Variants in KCNK10 observed in about 807,000 individuals in gnomAD.
The protein encoded by KCNK10 is potassium two pore domain channel subfamily K member 10.
A neutral mutation model predicts 47.7 loss-of-function variants in KCNK10; 25 were observed. The observed-to-expected ratio is 0.52, with a 90% CI of 0.38 to 0.73. The LOEUF is 0.73. Ranked by LOEUF, KCNK10 falls within the 30% of genes least tolerant of loss-of-function variation. The pLI, the probability that KCNK10 is intolerant of heterozygous loss-of-function variation, is 0.00. For missense variants in KCNK10, 563 were observed against 714.5 expected (o/e 0.79, Z 2.42); for synonymous variants, 303 against 285.6 (o/e 1.06, Z -0.61).
chr14:88,309,032 C>T (rs1174204648), intron 1 of KCNK10, among the ~76,000 whole-genome samples: 1 of 152,178 alleles, frequency 6.6e-6, no homozygotes, highest in East Asian at 1.9e-4. Context: ...TAAGCCTTGG[C>T]TAAACGGTTA....
intron 2 of KCNK10, among the ~76,000 whole-genome samples, chr14:88,258,364 C>A (rs949110778): frequency 6.6e-5 from 10 of 150,904 alleles, no homozygotes; most frequent in Non-Finnish European, 1.2e-4. Context: ...CATCTCAGCT[C>A]ACTGTAACCT....
At chr14:88,211,586 G>C (rs888724943) in intron 4 of KCNK10, among the ~76,000 whole-genome samples, 36 of 152,226 alleles carry the variant, frequency 2.4e-4, no homozygotes, top group African/African-American at 8.2e-4. Context: ...ACCAACTCCT[G>C]GGAGTAACTT....
At chr14:88,230,902 T>C (rs930468423) in intron 3 of KCNK10, among the ~76,000 whole-genome samples, 2 of 152,212 alleles carry the variant, frequency 1.3e-5, no homozygotes, top group Admixed American at 6.5e-5. Flanking sequence ...AGATAATGTA[T>C]GTGGAGCACA....
At chr14:88,251,253 A>AT (rs146633291) in intron 2 of KCNK10, among the ~76,000 whole-genome samples, 1 of 150,880 alleles carries the variant, frequency 6.6e-6, no homozygotes, top group Non-Finnish European at 1.5e-5. Flanking sequence ...AAAAAAAAAA[A>AT]GAACAGACAC....
chr14:88,185,970 G>C lies in KCNK10; in HGVS notation c.1197C>G (p.Pro399=), dbSNP rs369723489. ...GGGCAGCAAAGACAGAGCGCTTCTC[G>C]GGGGACAGCATGTCCAGTGAGTGGG... The part of the protein sequence containing the change: ...QRAHSLDMLS[P]EKRSVFAALD... Residue 399 remains proline (P), a synonymous_variant, in exon 7 of 7, where the codon CCC becomes CCG. Transcript: ENST00000319231. The surrounding 1 kb of genome is among the most constrained non-coding windows in gnomAD (Gnocchi z 4.3). The C allele has an allele frequency of 3.7e-6, 6 of 1,613,408 alleles. No homozygotes were observed. Among genetic ancestry groups the C allele is most frequent in the Middle Eastern group, 3.3e-4 (2 of 6,084 alleles).
At chr14:88,261,325 T>A (rs1021297631) in intron 2 of KCNK10, among the ~76,000 whole-genome samples, 3 of 152,230 alleles carry the variant, frequency 2.0e-5, no homozygotes, top group Non-Finnish European at 4.4e-5. Flanking sequence ...ACAATGTGTA[T>A]AAATGTAATT....
chr14:88,259,677 G>A (rs530908484), intron 2 of KCNK10, among the ~76,000 whole-genome samples: 54 of 152,272 alleles, frequency 3.5e-4, no homozygotes, highest in African/African-American at 1.3e-3. Context: ...GACTGGTCTC[G>A]AACTGCTGGG....
intron 4 of KCNK10, among the ~76,000 whole-genome samples, chr14:88,218,151 G>A (rs929150756): frequency 5.3e-5 from 8 of 152,082 alleles, no homozygotes; most frequent in Admixed American, 2.0e-4. Context: ...GGACCACTGC[G>A]CCTGCCTCTT....
chr14:88,277,583 T>C (rs929985148), intron 1 of KCNK10, among the ~76,000 whole-genome samples: 7 of 29,240 alleles, frequency 2.4e-4, no homozygotes, highest in Non-Finnish European at 6.4e-4. Context: ...GGAAGTGTTT[T>C]TGAAATATTC....
intron 1 of KCNK10, chr14:88,271,007 C>T: frequency 1.7e-6 from 1 of 598,230 alleles, no homozygotes; most frequent in South Asian, 2.0e-5. Context: ...CAGCCAAACC[C>T]AGCAGCACCC....
At chr14:88,308,747 AAC>A (rs1273564602) in intron 1 of KCNK10, among the ~76,000 whole-genome samples, 1 of 152,236 alleles carries the variant, frequency 6.6e-6, no homozygotes, top group Non-Finnish European at 1.5e-5. Context: ...AGTCCTAATT[AAC>A]ACAGATTCTT....
intron 1 of KCNK10, among the ~76,000 whole-genome samples, chr14:88,303,801 T>C (rs183343245): frequency 2.0e-5 from 3 of 152,248 alleles, no homozygotes; most frequent in African/African-American, 7.2e-5. Flanking sequence ...TTATCAATGA[T>C]GTATGAGGTG....
At chr14:88,326,344 C>A, upstream of KCNK10, 2 of 1,339,190 alleles carry the variant, frequency 1.5e-6, no homozygotes, top group Non-Finnish European at 2.1e-6. Flanking sequence ...AAACTTAGCC[C>A]TTTGGGCTAC....
At chr14:88,304,720 A>C (rs1888172447) in intron 1 of KCNK10, among the ~76,000 whole-genome samples, 1 of 152,226 alleles carries the variant, frequency 6.6e-6, no homozygotes, top group African/African-American at 2.4e-5. Flanking sequence ...AGTGCTATCC[A>C]GTGTTCCTAA....
intron 3 of KCNK10, among the ~76,000 whole-genome samples, chr14:88,233,810 T>A (rs898225400): frequency 1.3e-5 from 2 of 152,194 alleles, no homozygotes; most frequent in Non-Finnish European, 2.9e-5. Flanking sequence ...TAATGCACCT[T>A]CCAATGTAGC....
intron 4 of KCNK10, among the ~76,000 whole-genome samples, chr14:88,217,529 AAAT>A (rs1885660602): frequency 6.6e-6 from 1 of 152,194 alleles, no homozygotes. Context: ...GATCTGTTTG[AAAT>A]AATAATTTTT....
upstream of KCNK10, among the ~76,000 whole-genome samples, chr14:88,325,091 A>G (rs1888633157): frequency 6.6e-6 from 1 of 152,100 alleles, no homozygotes; most frequent in Non-Finnish European, 1.5e-5. Flanking sequence ...GACTGGGAGG[A>G]TGGCTAAGAC....
chr14:88,274,549 T>TAAAAAAAAAAAAAAA lies in KCNK10; in HGVS notation c.53-11013_53-10999dup, dbSNP rs3994047. 3.7e-3 allele frequency among the ~76,000 whole-genome samples: 151 copies of TAAAAAAAAAAAAAAA among 40,478 alleles called. 36 individuals are homozygous for TAAAAAAAAAAAAAAA. Among genetic ancestry groups the TAAAAAAAAAAAAAAA allele is most frequent in the African/African-American group, 8.7e-3 (82 of 9,472 alleles). The allele number at this position is 40,478 out of a possible 152,430, so 26.6% of individuals were successfully genotyped here. On this transcript the variant is annotated intron_variant, in intron 1 of 6. Coordinates refer to ENST00000319231, the MANE Select transcript of KCNK10 (RefSeq NM_138317.3). ...CTGGGTGACAGAGTGAGACTCTATC[T>TAAAAAAAAAAAAAAA]AAAAAAAAAAAAAAAAAGATCTTAT...
intron 1 of KCNK10, among the ~76,000 whole-genome samples, chr14:88,303,881 C>G (rs575052387): frequency 6.6e-6 from 1 of 152,150 alleles, no homozygotes; most frequent in Non-Finnish European, 1.5e-5. Flanking sequence ...CTTCCTGAAT[C>G]GCACACTCAA....
Sources: allele counts gnomAD v4.1 joint callset (sites outside exome capture counted in the v4.1 genomes callset), GRCh38; gene constraint gnomAD v4.1.1; non-coding constraint Gnocchi (gnomAD v3.1); transcripts MANE v1.5; gene names NCBI Gene and HGNC (gene_info 2026-07-23, HGNC 2026-07-21).